Variants in FRYL observed in about 807,000 individuals in gnomAD.
FRYL encodes the protein protein furry homolog-like.
In FRYL, 150 loss-of-function variants were observed where a neutral mutation model predicts 351.2. The ratio of observed to expected loss-of-function variants is 0.43; its 90% confidence interval spans 0.37 to 0.49. The LOEUF (loss-of-function observed/expected upper bound fraction) is 0.49, where lower values mean the gene tolerates loss of function less well. FRYL is among the 20% of genes least tolerant of loss of function. The pLI is 0.00. For missense variants in FRYL, 3,036 were observed against 3,619.3 expected (o/e 0.84, Z 4.13); for synonymous variants, 1,153 against 1,257.1 (o/e 0.92, Z 1.75).
chr4:48,739,686 A>G (rs1445144084), intron 1 of FRYL, among the ~76,000 whole-genome samples: 1 of 152,174 alleles, frequency 6.6e-6, no homozygotes. Context: ...ATATGACACC[A>G]AAGGCAGGAA....
intron 55 of FRYL, among the ~76,000 whole-genome samples, chr4:48,518,206 G>A (rs1420525253): frequency 6.6e-6 from 1 of 152,184 alleles, no homozygotes; most frequent in Non-Finnish European, 1.5e-5. Flanking sequence ...ACTAGGCACT[G>A]TAGTTTGGCT....
intron 31 of FRYL, 49 bp downstream of exon 31, chr4:48,563,895 TTTTC>T (rs1736135595): frequency 1.3e-6 from 2 of 1,572,838 alleles, no homozygotes; most frequent in Non-Finnish European, 1.7e-6. Flanking sequence ...AAAGAAAAAC[TTTTC>T]TTTAAGAAAA....
intron 59 of FRYL, among the ~76,000 whole-genome samples, chr4:48,508,635 G>A (rs1422849309): frequency 6.6e-6 from 1 of 152,284 alleles, no homozygotes; most frequent in Non-Finnish European, 1.5e-5. Flanking sequence ...TGAGTCTACA[G>A]TCATTGATGG....
intron 4 of FRYL, among the ~76,000 whole-genome samples, chr4:48,626,338 T>C (rs1237577383): frequency 6.6e-6 from 1 of 152,086 alleles, no homozygotes; most frequent in Admixed American, 6.6e-5. Context: ...AACTATTCGC[T>C]CTGTAACAAA....
intron 1 of FRYL, among the ~76,000 whole-genome samples, chr4:48,717,144 GA>G (rs992802867): frequency 8.3e-5 from 9 of 108,074 alleles, no homozygotes; most frequent in Non-Finnish European, 1.3e-4. Flanking sequence ...AGGGGGGAGG[GA>G]TAGCACTGGA....
chr4:48,662,603 T>C (rs142151287), intron 3 of FRYL, among the ~76,000 whole-genome samples: 1 of 151,486 alleles, frequency 6.6e-6, no homozygotes, highest in African/African-American at 2.4e-5. Context: ...ATCAAACTGC[T>C]GAAAACCAGT....
chr4:48,591,434 T>G (rs934548131), intron 16 of FRYL, among the ~76,000 whole-genome samples: 1 of 152,162 alleles, frequency 6.6e-6, no homozygotes, highest in African/African-American at 2.4e-5. Flanking sequence ...TGGAAGAAAC[T>G]TTCCCCAAAT....
intron 53 of FRYL, among the ~76,000 whole-genome samples, chr4:48,526,470 T>C (rs574579024): frequency 6.6e-6 from 1 of 152,270 alleles, no homozygotes; most frequent in Non-Finnish European, 1.5e-5. Context: ...TTTGGGCCAA[T>C]GAGATGTTAC....
chr4:48,748,976 A>T (rs541895537), intron 1 of FRYL, among the ~76,000 whole-genome samples: 10 of 152,346 alleles, frequency 6.6e-5, no homozygotes, highest in African/African-American at 2.4e-4. Context: ...TTCTAGCCAC[A>T]GGAAGGGTCA....
chr4:48,506,870 G>A (rs1223204255), intron 59 of FRYL, among the ~76,000 whole-genome samples: 1 of 151,312 alleles, frequency 6.6e-6, no homozygotes, highest in Non-Finnish European at 1.5e-5. Context: ...AGATTTCACC[G>A]GCCCTTAGGC....
At chr4:48,710,161 A>G (rs1767846132) in intron 2 of FRYL, among the ~76,000 whole-genome samples, 1 of 152,262 alleles carries the variant, frequency 6.6e-6, no homozygotes, top group Non-Finnish European at 1.5e-5. Flanking sequence ...GAATGTATAC[A>G]TAATTTACAA....
intron 23 of FRYL, 89 bp from the exon 24 acceptor site, chr4:48,576,311 T>C (rs1220309138): frequency 6.3e-6 from 7 of 1,115,534 alleles, no homozygotes; most frequent in East Asian, 2.8e-5. Flanking sequence ...TTTCTTTTTT[T>C]TTTTTTTTGA....
At chr4:48,776,304 T>C (rs1054243119) in intron 1 of FRYL, among the ~76,000 whole-genome samples, 20 of 152,092 alleles carry the variant, frequency 1.3e-4, no homozygotes, top group Non-Finnish European at 2.4e-4. Context: ...AATTTTGAAA[T>C]TATGCATTTC....
At chr4:48,543,750 T>C (rs1396508417) in intron 44 of FRYL, 57 bp downstream of exon 44, 1 of 1,488,286 alleles carries the variant, frequency 6.7e-7, no homozygotes, top group Non-Finnish European at 9.2e-7. Context: ...ATATGGACAA[T>C]AAATCCTTGA....
At chr4:48,504,044 T>C (rs572566535) in intron 60 of FRYL, among the ~76,000 whole-genome samples, 1 of 152,230 alleles carries the variant, frequency 6.6e-6, no homozygotes, top group East Asian at 1.9e-4. Context: ...ATAACACAAA[T>C]GTAATGAATT....
At chr4:48,533,075 G>A (rs1728038860) in intron 49 of FRYL, among the ~76,000 whole-genome samples, 2 of 152,124 alleles carry the variant, frequency 1.3e-5, no homozygotes, top group South Asian at 4.1e-4. Context: ...AGGAAGCTAA[G>A]TTGTGTTTCT....
intron 33 of FRYL, among the ~76,000 whole-genome samples, chr4:48,558,029 A>AC: frequency 2.0e-5 from 3 of 152,218 alleles, no homozygotes; most frequent in Non-Finnish European, 4.4e-5. Context: ...TAAAAATAGA[A>AC]CTATCATATG....
intron 1 of FRYL, among the ~76,000 whole-genome samples, chr4:48,766,955 GATGA>G (rs1165339605): frequency 6.1e-5 from 9 of 148,112 alleles, no homozygotes; most frequent in South Asian, 2.1e-4. Flanking sequence ...TTAAAAAACA[GATGA>G]ATGGATAAAA....
intron 35 of FRYL, among the ~76,000 whole-genome samples, chr4:48,554,599 A>T: frequency 6.6e-6 from 1 of 152,192 alleles, no homozygotes; most frequent in East Asian, 1.9e-4. Flanking sequence ...TTGGCCTCCC[A>T]AAGTGCTGGG....
Sources: gnomAD v4.1 joint callset for allele counts (sites outside exome capture counted in the v4.1 genomes callset) on GRCh38, gnomAD v4.1.1 for gene constraint, MANE v1.5 for transcripts, NCBI Gene and HGNC (gene_info 2026-07-23, HGNC 2026-07-21) for gene names.